Variants in JARID2 observed in about 807,000 individuals in gnomAD.
JARID2 encodes protein Jumonji.
Under a neutral mutation model 125.6 loss-of-function variants are expected in JARID2, and 21 were observed. The ratio of observed to expected loss-of-function variants is 0.17; its 90% CI spans 0.12 to 0.24. The LOEUF (loss-of-function observed/expected upper bound fraction) is 0.24, where lower values mean the gene tolerates loss of function less well. Ranked by LOEUF, JARID2 falls within the 10% of genes least tolerant of loss-of-function variation. The probability of loss-of-function intolerance (pLI) is 1.00; values close to 1 mark genes in which losing one functional copy is unlikely to be tolerated. For missense variants in JARID2, 1,303 were observed against 1,639.6 expected, an observed-to-expected ratio of 0.79 and a Z score of 3.55; for synonymous variants, 736 against 661.6, an observed-to-expected ratio of 1.11 and a Z score of -1.73.
chr6:15,414,193 A>G (rs978533858), intron 3 of JARID2, among the ~76,000 whole-genome samples: 2 of 152,134 alleles, frequency 1.3e-5, no homozygotes, highest in Non-Finnish European at 2.9e-5. Flanking sequence ...ATAAAAATCT[A>G]TGGTGGAGAC....
intron 1 of JARID2, among the ~76,000 whole-genome samples, chr6:15,346,287 C>T (rs942749232): frequency 6.6e-6 from 1 of 152,204 alleles, no homozygotes; most frequent in African/African-American, 2.4e-5. Flanking sequence ...GTTAGAAACT[C>T]CAGTTAACAC....
At chr6:15,305,306 G>T (rs1405918004) in intron 1 of JARID2, among the ~76,000 whole-genome samples, 1 of 152,100 alleles carries the variant, frequency 6.6e-6, no homozygotes, top group East Asian at 1.9e-4. Context: ...CTTATTCAGA[G>T]AGCAACTCCG....
intron 1 of JARID2, among the ~76,000 whole-genome samples, chr6:15,302,691 T>G (rs1014186639): frequency 2.0e-5 from 3 of 152,104 alleles, no homozygotes; most frequent in Non-Finnish European, 4.4e-5. Flanking sequence ...ATAACCTCAT[T>G]TTGTATCTGT....
chr6:15,404,903 G>A (rs1032051193), intron 2 of JARID2, among the ~76,000 whole-genome samples: 1 of 152,160 alleles, frequency 6.6e-6, no homozygotes, highest in Admixed American at 6.5e-5. Flanking sequence ...TCATGTATGT[G>A]TAGCTAATGA....
rs146782044 is a variant in JARID2, at chr6:15,502,336, A to G, written c.2448+927A>G. Among the ~76,000 whole-genome samples the G allele has an allele frequency of 5.4e-4, 83 of 152,354 alleles. 1 individual carries two copies. In the East Asian group the frequency reaches 7.5e-3, roughly 14 times the overall value. On this transcript the variant is annotated intron_variant, in intron 8 of 17. Transcript: ENST00000341776. ...ACCCGGGGCCCAGCTGGCCGAGCTCAGCTAAGTTGAAGTCTCTGCTGAGTT... is the reference window on the plus strand; with the variant it reads ...ACCCGGGGCCCAGCTGGCCGAGCTCGGCTAAGTTGAAGTCTCTGCTGAGTT...
chr6:15,357,519 T>C (rs1157552645), intron 1 of JARID2, among the ~76,000 whole-genome samples: 1 of 152,124 alleles, frequency 6.6e-6, no homozygotes, highest in Non-Finnish European at 1.5e-5. Context: ...CTGTCTTACA[T>C]GTTCATTTAA....
chr6:15,415,930 A>G (rs1211410636), intron 3 of JARID2, among the ~76,000 whole-genome samples: 10 of 149,390 alleles, frequency 6.7e-5, no homozygotes, highest in Admixed American at 2.6e-4. Context: ...CACTTCCCAG[A>G]CGGGGTGGCT....
At chr6:15,265,086 T>G (rs1297800330) in intron 1 of JARID2, among the ~76,000 whole-genome samples, 1 of 152,198 alleles carries the variant, frequency 6.6e-6, no homozygotes, top group Non-Finnish European at 1.5e-5. Context: ...AGGAATCCAT[T>G]CCAGTGCGCA....
chr6:15,322,549 C>T (rs941233596), intron 1 of JARID2, among the ~76,000 whole-genome samples: 1 of 152,170 alleles, frequency 6.6e-6, no homozygotes, highest in Admixed American at 6.5e-5. Flanking sequence ...ACCTACCCTG[C>T]AAGGATTTAA....
chr6:15,410,084 C>T, intron 2 of JARID2, 140 bp from the exon 3 acceptor site: 2 of 714,914 alleles, frequency 2.8e-6, no homozygotes, highest in South Asian at 6.4e-5. Flanking sequence ...TCCACCCATT[C>T]AAAAGGGATG....
chr6:15,313,728 A>G (rs577714061), intron 1 of JARID2, among the ~76,000 whole-genome samples: 51 of 152,376 alleles, frequency 3.3e-4, no homozygotes, highest in Non-Finnish European at 6.2e-4. Flanking sequence ...GCTGATGTAT[A>G]GAAACCTGTG....
intron 1 of JARID2, among the ~76,000 whole-genome samples, chr6:15,305,807 A>G (rs1761800172): frequency 6.6e-6 from 1 of 152,176 alleles, no homozygotes; most frequent in African/African-American, 2.4e-5. Context: ...TTATGTATTA[A>G]CTGTTTAAAT....
rs60218567 is a variant in JARID2, at chr6:15,494,413, CTTTT to C, written c.907-1702_907-1699del. 6.7e-4 allele frequency among the ~76,000 whole-genome samples: 54 copies of C among 80,582 alleles called. 1 individual carries two copies. The highest frequency in any genetic ancestry group is 7.9e-4 in the Non-Finnish European group (36 of 45,848). The allele number at this position is 80,582 out of a possible 152,430, so 52.9% of individuals were successfully genotyped here. A position where few individuals can be genotyped will look rare whatever the true frequency, so the allele number is the denominator to read the frequency against. On this transcript the variant is annotated intron_variant, in intron 6 of 17. Transcript: ENST00000341776. ...ACTGGTTTGGATGTTTTTGGCAAGT[CTTTT>C]TTTTTTTTTTTTTTTTGAGACAAGA...
chr6:15,425,420 G>A (rs1438482778), intron 3 of JARID2, among the ~76,000 whole-genome samples: 1 of 149,258 alleles, frequency 6.7e-6, no homozygotes, highest in African/African-American at 2.5e-5. Context: ...AATAATTTTT[G>A]TTGCGGTGTA....
At chr6:15,460,688 TGTTG>T (rs1391115738) in intron 4 of JARID2, among the ~76,000 whole-genome samples, 2 of 151,910 alleles carry the variant, frequency 1.3e-5, no homozygotes, top group African/African-American at 4.8e-5. Flanking sequence ...ATTTTGTTGT[TGTTG>T]TTGTTGTTGT....
At chr6:15,520,010 G>C in intron 17 of JARID2, 59 bp from the exon 18 acceptor site, 1 of 1,465,808 alleles carries the variant, frequency 6.8e-7, no homozygotes, top group Non-Finnish European at 9.2e-7. Flanking sequence ...ATGGCTCTCA[G>C]GGACAGAGCT....
At chr6:15,373,996 G>GA in intron 1 of JARID2, 121 bp from the exon 2 acceptor site, 1 of 1,106,794 alleles carries the variant, frequency 9.0e-7, no homozygotes, top group Admixed American at 2.2e-5. Flanking sequence ...CTGACATTGA[G>GA]AACTGGGTCG....
chr6:15,311,408 T>C (rs981708482), intron 1 of JARID2, among the ~76,000 whole-genome samples: 3 of 152,122 alleles, frequency 2.0e-5, no homozygotes, highest in African/African-American at 4.8e-5. Flanking sequence ...AGAAACCCCA[T>C]CTCTACTAAA....
At chr6:15,259,020 T>C (rs993694334) in intron 1 of JARID2, among the ~76,000 whole-genome samples, 5 of 152,228 alleles carry the variant, frequency 3.3e-5, no homozygotes, top group African/African-American at 1.2e-4. Flanking sequence ...TCCTAACTTA[T>C]GGAAAAATGC....
Sources: allele counts gnomAD v4.1 joint callset (sites outside exome capture counted in the v4.1 genomes callset), GRCh38; gene constraint gnomAD v4.1.1; transcripts MANE v1.5; gene names NCBI Gene and HGNC (gene_info 2026-07-23, HGNC 2026-07-21).